The following HMCN1 variants were observed in gnomAD, a reference collection of about 807,000 sequenced individuals.
HMCN1 encodes hemicentin 1.
Under a neutral mutation model 625.9 loss-of-function variants are expected in HMCN1, and 321 were observed. The ratio of observed to expected loss-of-function variants is 0.51; its 90% confidence interval spans 0.47 to 0.56. The LOEUF is 0.56. HMCN1 is among the 20% of genes least tolerant of loss of function. The pLI, the probability that HMCN1 is intolerant of heterozygous loss-of-function variation, is 0.00. For missense variants in HMCN1, 6,588 were observed against 6,887.3 expected (o/e 0.96, Z 1.54); for synonymous variants, 2,425 against 2,417.6 (o/e 1.00, Z -0.09).
chr1:185,824,210 C>T (rs907088444), intron 1 of HMCN1, among the ~76,000 whole-genome samples: 11 of 152,124 alleles, frequency 7.2e-5, no homozygotes, highest in African/African-American at 2.7e-4. Context: ...AAGAGTTGCC[C>T]AAATGGTTTA....
chr1:185,859,045 G>T (rs879871593), intron 2 of HMCN1, among the ~76,000 whole-genome samples: 31 of 150,180 alleles, frequency 2.1e-4, no homozygotes, highest in Non-Finnish European at 3.4e-4. Flanking sequence ...GTGTGTGTGT[G>T]TGTGTGTGTG....
At chr1:186,085,057 T>A (rs1659390556) in intron 57 of HMCN1, among the ~76,000 whole-genome samples, 1 of 152,146 alleles carries the variant, frequency 6.6e-6, no homozygotes, top group South Asian at 2.1e-4. Flanking sequence ...TAGCTCACCA[T>A]GGCTGAAGGA....
At chr1:186,151,137 T>A in intron 93 of HMCN1, 63 bp from the exon 94 acceptor site, 3 of 1,539,886 alleles carry the variant, frequency 1.9e-6, no homozygotes, top group Non-Finnish European at 2.7e-6. Context: ...GGCCCTCTTT[T>A]CTCCCATGTA....
chr1:185,815,089 G>A (rs77856587), intron 1 of HMCN1, among the ~76,000 whole-genome samples: 10,561 of 150,084 alleles, frequency 0.07, 2,077 homozygotes, highest in African/African-American at 0.25. Context: ...AGACAAGAAA[G>A]ACATGTTTGA....
At position 185,963,790 on chromosome 1, in the gene HMCN1, A is replaced by G. The variant is rs1213399763; in HGVS notation, c.1993A>G (p.Thr665Ala). 1.2e-6 allele frequency: 2 copies of G among 1,607,724 alleles called. No individual in the cohort carries two copies. The highest frequency in any genetic ancestry group is 2.2e-5 in the South Asian group (2 of 90,934). The change falls in exon 13 of 107, where the codon ACC (threonine) becomes GCC (alanine). Residue 665 changes from threonine to alanine, a missense_variant. By Grantham distance (58) the Thr-to-Ala change is moderately conservative. Transcript: ENST00000271588. ...SHRYRMTSDG[T>A]LFIKNAAPKD... is the part of the protein sequence containing the mutation. Reference sequence around the variant, plus strand: ...TAGGTATAGGATGACCTCAGATGGTACCTTATTTATCAAAAATGCAGCTCC... The same window carrying G: ...TAGGTATAGGATGACCTCAGATGGTGCCTTATTTATCAAAAATGCAGCTCC...
At chr1:186,040,289 C>T (rs2102233011) in intron 39 of HMCN1, among the ~76,000 whole-genome samples, 1 of 152,114 alleles carries the variant, frequency 6.6e-6, no homozygotes, top group South Asian at 2.1e-4. Context: ...AGCATATATA[C>T]TTCTACAAAA....
chr1:185,871,767 G>A (rs1663636158), intron 4 of HMCN1, among the ~76,000 whole-genome samples: 1 of 152,116 alleles, frequency 6.6e-6, no homozygotes, highest in South Asian at 2.1e-4. Flanking sequence ...TGTAAACTTT[G>A]CTGGAGTATG....
intron 11 of HMCN1, among the ~76,000 whole-genome samples, chr1:185,952,092 G>A (rs1282696772): frequency 6.6e-6 from 1 of 151,830 alleles, no homozygotes; most frequent in Non-Finnish European, 1.5e-5. Context: ...GCCATGAACT[G>A]GGCTGGATTT....
chr1:186,170,552 G>A (rs1391949143), intron 100 of HMCN1, among the ~76,000 whole-genome samples: 1 of 152,128 alleles, frequency 6.6e-6, no homozygotes, highest in East Asian at 1.9e-4. Context: ...CAACCCAAAT[G>A]CCCATCAGTG....
At chr1:185,818,681 T>G (rs1407086203) in intron 1 of HMCN1, among the ~76,000 whole-genome samples, 2 of 152,194 alleles carry the variant, frequency 1.3e-5, no homozygotes, top group Non-Finnish European at 2.9e-5. Flanking sequence ...TGGCTAAATA[T>G]ATTTTTCATA....
At chr1:186,162,836 T>A (rs546285532) in intron 97 of HMCN1, among the ~76,000 whole-genome samples, 124 of 152,186 alleles carry the variant, frequency 8.1e-4, no homozygotes, top group Admixed American at 1.2e-3. Flanking sequence ...GGGGGGTGCC[T>A]CCCAGTTAGG....
At chr1:185,984,411 A>T (rs1479579106) in intron 19 of HMCN1, 98 bp downstream of exon 19, 1 of 1,120,200 alleles carries the variant, frequency 8.9e-7, no homozygotes, top group African/African-American at 1.5e-5. Flanking sequence ...TTACAATTAG[A>T]TATCTCTCTT....
chr1:185,738,865 T>G (rs1653779954), intron 1 of HMCN1, among the ~76,000 whole-genome samples: 1 of 152,228 alleles, frequency 6.6e-6, no homozygotes, highest in Non-Finnish European at 1.5e-5. Flanking sequence ...TACAACTTCT[T>G]TTTTTCCTTC....
rs765496210 is a variant in HMCN1 at position 186,153,750 on chromosome 1, G to A, written c.15019G>A (p.Asp5007Asn). 7.4e-6 allele frequency: 12 copies of A among 1,613,074 alleles called. No homozygotes were observed. The highest frequency in any genetic ancestry group is 1.0e-5 in the Non-Finnish European group (12 of 1,179,302). Reference sequence around the variant, plus strand: ...TTCAAATCCACATTGTTCTCCTTAGGATTACACAGAGGACTACATTCAAAC... The same window carrying A: ...TTCAAATCCACATTGTTCTCCTTAGAATTACACAGAGGACTACATTCAAAC... ...LQSPAEVTVK[D>N]YTEDYIQTGP... is the part of the protein sequence containing the mutation. Residue 5007 changes from aspartate to asparagine, a missense_variant and splice_region_variant, in exon 97 of 107, where the codon GAT becomes AAT. Asp to Asn is a conservative substitution (Grantham distance 23, BLOSUM62 1). This residue lies in a region of HMCN1 where 1,954 missense variants were observed against 2,013.1 expected (regional missense o/e 0.97). Coordinates refer to ENST00000271588, the MANE Select transcript of HMCN1 (RefSeq NM_031935.3).
intron 1 of HMCN1, among the ~76,000 whole-genome samples, chr1:185,798,017 G>A (rs1257211259): frequency 7.8e-6 from 1 of 128,064 alleles, no homozygotes; most frequent in Non-Finnish European, 1.7e-5. Flanking sequence ...ATACTTTTAT[G>A]TTCTTTTTAT....
At chr1:185,932,877 A>C (rs912385797) in intron 10 of HMCN1, among the ~76,000 whole-genome samples, 23 of 152,138 alleles carry the variant, frequency 1.5e-4, no homozygotes, top group African/African-American at 5.3e-4. Flanking sequence ...CTAGAGAAAC[A>C]TGTGATTCTC....
At chr1:186,086,995 G>A (rs578130090) in intron 58 of HMCN1, among the ~76,000 whole-genome samples, 11 of 152,138 alleles carry the variant, frequency 7.2e-5, no homozygotes, top group African/African-American at 2.6e-4. Context: ...TTTTGATGCT[G>A]GAGAGAAAAA....
intron 42 of HMCN1, among the ~76,000 whole-genome samples, 176 bp from the exon 43 acceptor site, chr1:186,052,776 C>A (rs1338820650): frequency 6.6e-6 from 1 of 151,950 alleles, no homozygotes; most frequent in Non-Finnish European, 1.5e-5. Context: ...GGGAAGTCTG[C>A]TATTAGCTAT....
At position 186,174,789 on chromosome 1, in the gene HMCN1, A is replaced by G. The variant is rs754970647; in HGVS notation, c.15943+147A>G. The G allele has an allele frequency of 5.0e-4, 367 of 737,544 alleles. 3 individuals are homozygous for G. Among genetic ancestry groups the G allele is most frequent in the Non-Finnish European group, 6.8e-4 (288 of 423,278 alleles). 45.7% of individuals were successfully genotyped at this position (737,544 alleles called of 1,614,324 possible). The stretch of plus-strand genomic sequence containing the variant: ...GAATTGATTTACGTCATTCAACACA[A>G]TTTGGATACTTCTTCAGAGACTTCA... On this transcript the variant is annotated intron_variant, in intron 103 of 106. Transcript: ENST00000271588.
Sources: gnomAD v4.1 joint callset for allele counts (sites outside exome capture counted in the v4.1 genomes callset) on GRCh38, gnomAD v4.1.1 for gene constraint, gnomAD v4.1.1 regional missense constraint, MANE v1.5 for transcripts, NCBI Gene and HGNC (gene_info 2026-07-23, HGNC 2026-07-21) for gene names.